MYT1L: variants seen among roughly 807,000 people sequenced by gnomAD.
The protein encoded by MYT1L is myelin transcription factor 1 like, also known as myelin transcription factor 1-like protein.
A neutral mutation model predicts 126.7 loss-of-function variants in MYT1L; 12 were observed. The observed-to-expected ratio is 0.09, with a 90% CI of 0.06 to 0.15. The LOEUF (loss-of-function observed/expected upper bound fraction) is 0.15, where lower values mean the gene tolerates loss of function less well. MYT1L is among the 10% of genes least tolerant of loss of function. The pLI, the probability that MYT1L is intolerant of heterozygous loss-of-function variation, is 1.00. For synonymous variants in MYT1L, 541 were observed against 604.2 expected, an observed-to-expected ratio of 0.90 and a Z score of 1.53; for missense variants, 979 against 1,585.2, an observed-to-expected ratio of 0.62 and a Z score of 6.49.
chr2:2,147,659 C>G (rs562453873), intron 3 of MYT1L, among the ~76,000 whole-genome samples: 1 of 152,168 alleles, frequency 6.6e-6, no homozygotes, highest in Admixed American at 6.5e-5. Flanking sequence ...GGACGGGGGG[C>G]GGGTGGGTGG....
intron 2 of MYT1L, among the ~76,000 whole-genome samples, chr2:2,217,700 C>A (rs1042612609): frequency 0.12 from 8,014 of 69,130 alleles, 584 homozygotes; most frequent in African/African-American, 0.2. Flanking sequence ...ACAACAACAA[C>A]AACAACAAAA....
intron 3 of MYT1L, among the ~76,000 whole-genome samples, chr2:2,134,875 A>G (rs904706006): frequency 4.5e-4 from 68 of 152,264 alleles, no homozygotes; most frequent in African/African-American, 1.3e-3. Context: ...CCCACCTCCT[A>G]TCTCACTTTC....
intron 2 of MYT1L, among the ~76,000 whole-genome samples, chr2:2,175,397 A>G (rs2090617080): frequency 6.6e-6 from 1 of 152,052 alleles, no homozygotes. Flanking sequence ...CCTGTCTGGT[A>G]ACCTGAATCA....
rs549576928 is a variant in MYT1L at position 1,899,490 on chromosome 2, G to T, written c.2032+3590C>A. Among the ~76,000 whole-genome samples the T allele has an allele frequency of 2.0e-4, 31 of 152,336 alleles. 1 individual carries two copies. Among genetic ancestry groups the T allele is most frequent in the Admixed American group, 9.8e-4 (15 of 15,300 alleles). ...AGGGCAGGGCCCAGACACCCAAGTGGATGCTCAGTCCTCCTCCCCTCAGCC... is the reference window on the plus strand; with the variant it reads ...AGGGCAGGGCCCAGACACCCAAGTGTATGCTCAGTCCTCCTCCCCTCAGCC... On this transcript the variant is annotated intron_variant, in intron 14 of 24. Transcript: ENST00000647738.
chr2:2,131,905 C>CTT lies in MYT1L; in HGVS notation c.-304+40965_-304+40966dup, dbSNP rs58810405. Among the ~76,000 whole-genome samples, 710 of 111,052 alleles carry CTT rather than the reference C, an allele frequency of 6.4e-3. 8 individuals carry two copies. Among genetic ancestry groups the CTT allele is most frequent in the Middle Eastern group, 0.011 (2 of 178 alleles). 72.9% of individuals were successfully genotyped at this position (111,052 alleles called of 152,430 possible). On this transcript the variant is annotated intron_variant, in intron 3 of 24. Transcript: ENST00000647738. Reference sequence around the variant, plus strand: ...AAGGGGACATGCAAGAGAGTTCATCCTTTTTTTTTTTTTTTTTTTTTTGAG... The same window carrying CTT: ...AAGGGGACATGCAAGAGAGTTCATCCTTTTTTTTTTTTTTTTTTTTTTTTGAG...
chr2:2,019,208 G>A (rs1050216943), intron 4 of MYT1L, among the ~76,000 whole-genome samples: 18 of 152,166 alleles, frequency 1.2e-4, no homozygotes, highest in East Asian at 5.8e-4. Flanking sequence ...GAATCATGGC[G>A]GGCGAGTCTT....
intron 2 of MYT1L, among the ~76,000 whole-genome samples, chr2:2,186,759 AC>A (rs2092240835): frequency 6.6e-6 from 1 of 152,260 alleles, no homozygotes; most frequent in South Asian, 2.1e-4. Flanking sequence ...ATAAAATTCT[AC>A]AACGAATAAA....
At position 1,910,574 on chromosome 2, in the gene MYT1L, G is replaced by A. The variant is rs1239990520; in HGVS notation, c.1710-227C>T. Reference sequence around the variant, plus strand: ...TCCAGCAGAGAATGCTGGCGGCAGTGCTATGTGTGAGGTGTATTCAATCCT... The same window carrying A: ...TCCAGCAGAGAATGCTGGCGGCAGTACTATGTGTGAGGTGTATTCAATCCT... On this transcript the variant is annotated intron_variant, in intron 12 of 24. Transcript: ENST00000647738. This position sits in a 1 kb window ranked among gnomAD's most constrained non-coding sequence, Gnocchi z 4.8. Among the ~76,000 whole-genome samples the A allele has an allele frequency of 6.6e-6, 1 of 152,158 alleles. No homozygotes were observed. Among genetic ancestry groups the A allele is most frequent in the Non-Finnish European group, 1.5e-5 (1 of 68,028 alleles).
chr2:1,792,568 G>A (rs950280867), intron 23 of MYT1L, 104 bp from the exon 24 acceptor site: 9 of 1,261,902 alleles, frequency 7.1e-6, no homozygotes, highest in Non-Finnish European at 6.5e-6. Context: ...GGGGCCTCTC[G>A]CTGAAGGAGA....
chr2:2,222,771 T>C (rs2093914112), intron 2 of MYT1L, among the ~76,000 whole-genome samples: 1 of 152,050 alleles, frequency 6.6e-6, no homozygotes, highest in South Asian at 2.1e-4. Context: ...ACTTGTATTT[T>C]AAAATAAAAA....
At chr2:2,146,642 TGAG>T (rs2084920726) in intron 3 of MYT1L, among the ~76,000 whole-genome samples, 1 of 152,202 alleles carries the variant, frequency 6.6e-6, no homozygotes, top group Admixed American at 6.5e-5. Context: ...GAGCTATTGT[TGAG>T]ATCCATGAAT....
At chr2:1,927,638 C>T (rs1400072864) in intron 9 of MYT1L, among the ~76,000 whole-genome samples, 3 of 152,270 alleles carry the variant, frequency 2.0e-5, no homozygotes, top group South Asian at 2.1e-4. Context: ...AGTAAACGTA[C>T]AGCTGAATAG....
chr2:2,137,577 C>T (rs1399891638), intron 3 of MYT1L, among the ~76,000 whole-genome samples: 3 of 152,164 alleles, frequency 2.0e-5, no homozygotes, highest in African/African-American at 4.8e-5. Flanking sequence ...CTGCGAAAAA[C>T]AAGCAATGGG....
At chr2:2,004,595 G>A (rs113099205) in intron 4 of MYT1L, among the ~76,000 whole-genome samples, 76 of 145,474 alleles carry the variant, frequency 5.2e-4, no homozygotes, top group African/African-American at 1.5e-3. Flanking sequence ...TCCTGCATGC[G>A]TTCTTTCCTG....
chr2:1,804,406 G>A (rs1474962847), intron 22 of MYT1L, among the ~76,000 whole-genome samples: 2 of 152,140 alleles, frequency 1.3e-5, no homozygotes, highest in East Asian at 3.9e-4. Flanking sequence ...ACAGGCGTGA[G>A]CCACCGCGCC....
intron 3 of MYT1L, among the ~76,000 whole-genome samples, chr2:2,070,006 T>G (rs2074398695): frequency 6.6e-6 from 1 of 151,760 alleles, no homozygotes; most frequent in Non-Finnish European, 1.5e-5. Flanking sequence ...TCATCATCAT[T>G]AGTCATTAGA....
chr2:2,121,034 CT>C (rs2080925379), intron 3 of MYT1L, among the ~76,000 whole-genome samples: 1 of 152,194 alleles, frequency 6.6e-6, no homozygotes, highest in South Asian at 2.1e-4. Context: ...CCCACAGACC[CT>C]TGCTCGGCGG....
intron 8 of MYT1L, among the ~76,000 whole-genome samples, chr2:1,949,567 C>T (rs939659384): frequency 6.6e-6 from 1 of 152,240 alleles, no homozygotes; most frequent in African/African-American, 2.4e-5. Flanking sequence ...ACACATACAA[C>T]ATTATGTAGT....
At chr2:2,080,295 G>A (rs573762485) in intron 3 of MYT1L, among the ~76,000 whole-genome samples, 3 of 151,794 alleles carry the variant, frequency 2.0e-5, no homozygotes, top group Non-Finnish European at 4.4e-5. Context: ...AAAAACACAA[G>A]GGATAAGAGA....
Sources: allele counts gnomAD v4.1 joint callset (sites outside exome capture counted in the v4.1 genomes callset), GRCh38; gene constraint gnomAD v4.1.1; non-coding constraint Gnocchi (gnomAD v3.1); transcripts MANE v1.5; gene names NCBI Gene and HGNC (gene_info 2026-07-23, HGNC 2026-07-21).